The following PSMC2 variants were observed in gnomAD, a reference collection of about 807,000 sequenced individuals.
PSMC2 encodes the protein proteasome 26S subunit, ATPase 2.
Under a neutral mutation model 53.3 loss-of-function variants are expected in PSMC2, and 7 were observed. That is an observed-to-expected ratio of 0.13 (90% CI 0.07 to 0.25). The LOEUF is 0.25. PSMC2 is among the 10% of genes least tolerant of loss of function. The probability of loss-of-function intolerance (pLI) is 1.00; values close to 1 mark genes in which losing one functional copy is unlikely to be tolerated. For missense variants in PSMC2, 241 were observed against 544.0 expected, an observed-to-expected ratio of 0.44 and a Z score of 5.54; for synonymous variants, 169 against 183.9, an observed-to-expected ratio of 0.92 and a Z score of 0.66.
At chr7:103,362,153 T>A (rs1333003033) in intron 5 of PSMC2, 65 bp downstream of exon 5, 1 of 1,599,460 alleles carries the variant, frequency 6.3e-7, no homozygotes, top group Non-Finnish European at 8.5e-7. Flanking sequence ...ATTCATATCC[T>A]TGGCTTTGTA....
chr7:103,347,921 G>C, intron 1 of PSMC2, 140 bp downstream of exon 1: 1 of 865,382 alleles, frequency 1.2e-6, no homozygotes, highest in Non-Finnish European at 1.9e-6. Flanking sequence ...CTGGACACCG[G>C]CCGGATTAAC....
At chr7:103,365,931 A>T (rs2116262831) in intron 8 of PSMC2, 145 bp from the exon 9 acceptor site, 2 of 664,872 alleles carry the variant, frequency 3.0e-6, no homozygotes, top group East Asian at 5.9e-5. Context: ...CCATCTCAAA[A>T]AAATAAAAAA....
Position 103,367,629 on chromosome 7 carries a change from T to C in PSMC2, c.1047+14T>C. ...CCCGATCTAGAGGTAAGAAAACCAT[T>C]TCATTTTAGGAAAGGGATTTTTGAA... is the stretch of plus-strand genomic sequence containing the variant. On this transcript the variant is annotated intron_variant, in intron 10 of 11. Transcript: ENST00000292644. This position sits in a 1 kb window ranked among gnomAD's most constrained non-coding sequence, Gnocchi z 6.1. 6.2e-7 allele frequency: 1 copy of C among 1,612,116 alleles called. No homozygotes were observed. Among genetic ancestry groups the C allele is most frequent in the South Asian group, 1.1e-5 (1 of 90,764 alleles).
rs1820182985 is a variant in PSMC2 at position 103,358,692 on chromosome 7, TATA to T, written c.290+2900_290+2902del. 2.0e-5 allele frequency among the ~76,000 whole-genome samples: 3 copies of T among 152,256 alleles called. No individual in the cohort carries two copies. The South Asian group carries it at 6.2e-4, about 32-fold the overall frequency. On this transcript the variant is annotated intron_variant, in intron 4 of 11. Coordinates refer to ENST00000292644, the MANE Select transcript of PSMC2 (RefSeq NM_002803.4). Reference sequence around the variant, plus strand: ...GTGTGTGTGTTGAATGTTCTGCTCTTATATCATGGTTGTAATATGTTCTTATCT... The same window carrying T: ...GTGTGTGTGTTGAATGTTCTGCTCTTTCATGGTTGTAATATGTTCTTATCT...
At chr7:103,362,368 G>C (rs568062363) in intron 5 of PSMC2, 837 of 1,343,264 alleles carry the variant, frequency 6.2e-4, no homozygotes, top group Non-Finnish European at 7.5e-4. Flanking sequence ...ATAGGTTGGG[G>C]GAGTACTTGC....
Position 103,367,692 on chromosome 7 carries a change from T to C in PSMC2, c.1048-21T>C. On this transcript the variant is annotated intron_variant, in intron 10 of 11. Coordinates refer to ENST00000292644, the MANE Select transcript of PSMC2 (RefSeq NM_002803.4). This position sits in a 1 kb window ranked among gnomAD's most constrained non-coding sequence, Gnocchi z 6.1. ...TGTGATTTTTTTCCATTTTAATATT[T>C]GTCAATTTTCTCATTTTTAGGGTCG... 1 of 1,608,798 alleles carries C rather than the reference T, an allele frequency of 6.2e-7. No homozygotes were observed. The highest frequency in any genetic ancestry group is 8.5e-7 in the Non-Finnish European group (1 of 1,178,074).
At position 103,368,620 on chromosome 7, in the gene PSMC2, T is replaced by C. The variant is rs1319024428; in HGVS notation, c.*566T>C. ...AAGCTTTTTTAAAGTAGGAGAAACA[T>C]TGGATGTATATGTTTTGCATTGCCA... On this transcript the variant is annotated 3_prime_UTR_variant, in exon 12 of 12. Coordinates refer to ENST00000292644, the MANE Select transcript of PSMC2 (RefSeq NM_002803.4). 1 of 152,150 alleles carries C rather than the reference T, an allele frequency of 6.6e-6. No individual in the cohort carries two copies. Among genetic ancestry groups the C allele is most frequent in the African/African-American group, 2.4e-5 (1 of 41,422 alleles). The allele number at this position is 152,150 out of a possible 1,614,324, so 9.4% of individuals were successfully genotyped here. A position where few individuals can be genotyped will look rare whatever the true frequency, so the allele number is the denominator to read the frequency against.
intron 3 of PSMC2, 87 bp downstream of exon 3, chr7:103,355,036 T>A: frequency 1.2e-6 from 1 of 851,766 alleles, no homozygotes. Context: ...TACTCCTTCA[T>A]GATTACAGAT....
chr7:103,354,204 G>A (rs564717140), intron 2 of PSMC2, among the ~76,000 whole-genome samples: 2 of 152,148 alleles, frequency 1.3e-5, no homozygotes, highest in Admixed American at 1.3e-4. Context: ...CTCAGTTTAT[G>A]TATTATTTTA....
At chr7:103,364,958 C>CATATATACATATATATATAT (rs1820619597) in intron 8 of PSMC2, among the ~76,000 whole-genome samples, 4 of 125,500 alleles carry the variant, frequency 3.2e-5, no homozygotes, top group Admixed American at 1.7e-4. Context: ...TGTAGACATA[C>CATATATACATATATATATAT]ATATATATAT....
At position 103,366,063 on chromosome 7, in the gene PSMC2, T is replaced by C; in HGVS notation, c.757-13T>C. On this transcript the variant is annotated splice_polypyrimidine_tract_variant and intron_variant, in intron 8 of 11. Coordinates refer to ENST00000292644, the MANE Select transcript of PSMC2 (RefSeq NM_002803.4). ...AAACCAATTTTGAATTAATAAATCA[T>C]TTTTCTCATTAGGGGGCTCGAATGG... is the stretch of plus-strand genomic sequence containing the variant. 3.8e-6 allele frequency: 6 copies of C among 1,592,090 alleles called. No individual in the cohort carries two copies. Among genetic ancestry groups the C allele is most frequent in the Non-Finnish European group, 5.1e-6 (6 of 1,171,218 alleles).
chr7:103,364,981 A>ATATATATATATATATATATTTATTTATT (rs950613120), intron 8 of PSMC2, among the ~76,000 whole-genome samples: 3 of 140,800 alleles, frequency 2.1e-5, no homozygotes, highest in African/African-American at 7.9e-5. Flanking sequence ...ATATATATAT[A>ATATATATATATATATATATTTATTTATT]TATTTAGAGA....
intron 6 of PSMC2, 34 bp downstream of exon 6, chr7:103,362,792 G>GT (rs769769884): frequency 1.2e-5 from 10 of 867,736 alleles, no homozygotes; most frequent in Admixed American, 1.1e-4. Context: ...GGAAGGCTAT[G>GT]TCTTTTTTTT....
Position 103,367,845 on chromosome 7 carries a change from G to C in PSMC2, c.1144+36G>C. 1 of 1,612,482 alleles carries C rather than the reference G, an allele frequency of 6.2e-7. No homozygotes were observed. ...AGTTCTTGCTTATATTTGCTGGTCT[G>C]TCTGCTCAGGCTGCTTTAATTAAGC... On this transcript the variant is annotated intron_variant, in intron 11 of 11. Coordinates refer to ENST00000292644, the MANE Select transcript of PSMC2 (RefSeq NM_002803.4). The surrounding 1 kb of genome is among the most constrained non-coding windows in gnomAD (Gnocchi z 6.1).
At chr7:103,349,767 A>G (rs1275738034) in intron 1 of PSMC2, among the ~76,000 whole-genome samples, 1 of 152,152 alleles carries the variant, frequency 6.6e-6, no homozygotes, top group Non-Finnish European at 1.5e-5. Context: ...GTTACTTTCA[A>G]TTTAAGCTTT....
At chr7:103,364,947 T>C (rs1820613732) in intron 8 of PSMC2, among the ~76,000 whole-genome samples, 1 of 80,622 alleles carries the variant, frequency 1.2e-5, no homozygotes, top group Non-Finnish European at 2.3e-5. Context: ...GTTTTTATGT[T>C]TGTAGACATA....
intron 1 of PSMC2, among the ~76,000 whole-genome samples, chr7:103,349,330 T>G (rs1226455590): frequency 6.6e-6 from 1 of 152,222 alleles, no homozygotes; most frequent in African/African-American, 2.4e-5. Flanking sequence ...TCATTTGATC[T>G]GTGCACAGTG....
At chr7:103,356,664 C>T (rs1268575721) in intron 4 of PSMC2, among the ~76,000 whole-genome samples, 2 of 152,238 alleles carry the variant, frequency 1.3e-5, no homozygotes, top group African/African-American at 4.8e-5. Context: ...ATTTTAGAAA[C>T]AGTTCATATA....
chr7:103,364,803 C>T (rs535604713), intron 8 of PSMC2, among the ~76,000 whole-genome samples: 1 of 151,970 alleles, frequency 6.6e-6, no homozygotes, highest in South Asian at 2.1e-4. Flanking sequence ...AACCAGTATG[C>T]CCCCTCCTCA....
Sources: gnomAD v4.1 joint callset for allele counts (sites outside exome capture counted in the v4.1 genomes callset) on GRCh38, gnomAD v4.1.1 for gene constraint, Gnocchi (gnomAD v3.1) non-coding constraint, MANE v1.5 for transcripts, NCBI Gene and HGNC (gene_info 2026-07-23, HGNC 2026-07-21) for gene names.